The following CRYBB2 variants were observed in gnomAD, a reference collection of about 807,000 sequenced individuals.
CRYBB2 encodes beta-crystallin B2.
Under a neutral mutation model 24.3 loss-of-function variants are expected in CRYBB2, and 12 were observed. That is an observed-to-expected ratio of 0.49 (90% CI 0.32 to 0.80). The LOEUF (loss-of-function observed/expected upper bound fraction) is 0.80, where lower values mean the gene tolerates loss of function less well. CRYBB2 is among the 30% of genes least tolerant of loss of function. The pLI, the probability that CRYBB2 is intolerant of heterozygous loss-of-function variation, is 0.04. For synonymous variants in CRYBB2, 98 were observed against 101.6 expected (o/e 0.96, Z 0.21); for missense variants, 198 against 268.5 (o/e 0.74, Z 1.83).
upstream of CRYBB2, among the ~76,000 whole-genome samples, chr22:25,218,702 GAGGGGGAGA>G (rs1569015774): frequency 3.5e-3 from 167 of 47,184 alleles, 2 homozygotes; most frequent in Non-Finnish European, 4.3e-3. Flanking sequence ...GAGAGAGAGA[GAGGGGGAGA>G]GAGAGAGAGA....
upstream of CRYBB2, among the ~76,000 whole-genome samples, chr22:25,218,702 GAGGGGGAGAGAGAGAGAGA>G (rs1935226920): frequency 2.1e-5 from 1 of 47,218 alleles, no homozygotes; most frequent in African/African-American, 2.1e-4. Context: ...GAGAGAGAGA[GAGGGGGAGAGAGAGAGAGA>G]GAGAGAGAGA....
intron 3 of CRYBB2, 35 bp downstream of exon 3, chr22:25,225,071 T>A: frequency 8.8e-7 from 1 of 1,139,808 alleles, no homozygotes; most frequent in Non-Finnish European, 1.3e-6. Context: ...GGTCAGGGAC[T>A]TTGGGTGAGG....
chr22:25,226,920 C>T (rs2146091518), intron 3 of CRYBB2, among the ~76,000 whole-genome samples: 1 of 152,314 alleles, frequency 6.6e-6, no homozygotes, highest in African/African-American at 2.4e-5. Context: ...GTGATCCGCT[C>T]ACCTCGGCCT....
upstream of CRYBB2, among the ~76,000 whole-genome samples, chr22:25,218,759 GAGAGAGAGAGAGAGAGAGAGAAGA>G (rs1569016042): frequency 7.5e-4 from 30 of 39,958 alleles, no homozygotes; most frequent in East Asian, 1.0e-3. Context: ...GAGAGAGAGA[GAGAGAGAGAGAGAGAGAGAGAAGA>G]AAGAAAGAAA....
At chr22:25,216,040 A>T (rs890094397), upstream of CRYBB2, among the ~76,000 whole-genome samples, 3 of 152,222 alleles carry the variant, frequency 2.0e-5, no homozygotes, top group Non-Finnish European at 4.4e-5. Flanking sequence ...TGGGAGGATT[A>T]AAAAAAGATG....
chr22:25,221,304 G>A, intron 1 of CRYBB2, 100 bp from the exon 2 acceptor site: 1 of 777,026 alleles, frequency 1.3e-6, no homozygotes. Flanking sequence ...AGGAGAAAAA[G>A]AGAATGTTTG....
chr22:25,220,431 T>C (rs1935299197), intron 1 of CRYBB2, among the ~76,000 whole-genome samples: 1 of 152,176 alleles, frequency 6.6e-6, no homozygotes, highest in East Asian at 1.9e-4. Context: ...ACTGAGCTTC[T>C]TCAGTCTGTG....
At chr22:25,216,009 A>G (rs1488224839), upstream of CRYBB2, among the ~76,000 whole-genome samples, 4 of 152,216 alleles carry the variant, frequency 2.6e-5, no homozygotes, top group African/African-American at 4.8e-5. Flanking sequence ...AATAAATACA[A>G]TACTTACATC....
chr22:25,223,643 T>C (rs1278642155), intron 2 of CRYBB2, among the ~76,000 whole-genome samples: 1 of 152,184 alleles, frequency 6.6e-6, no homozygotes. Flanking sequence ...CTCTAAGCCC[T>C]GTGCCTTTCC....
intron 2 of CRYBB2, 68 bp downstream of exon 2, chr22:25,221,551 T>C (rs1935321412): frequency 8.0e-7 from 1 of 1,253,996 alleles, no homozygotes; most frequent in Non-Finnish European, 1.2e-6. Context: ...TTCTGTAAAA[T>C]GGGCTTGGCA....
chr22:25,227,516 G>A lies in CRYBB2; in HGVS notation c.174-337G>A, dbSNP rs5760922. Among the ~76,000 whole-genome samples the A allele has an allele frequency of 0.22, 32,621 of 149,868 alleles. 4,294 individuals carry two copies. Among genetic ancestry groups the A allele is most frequent in the African/African-American group, 0.37 (15,135 of 40,744 alleles). ...CTACAAATCAAGAGTGTTAATTTTC[G>A]TTTTGTTTTTTGAGAGTTGGCTATT... On this transcript the variant is annotated intron_variant, in intron 3 of 5. Coordinates refer to ENST00000398215, the MANE Select transcript of CRYBB2 (RefSeq NM_000496.3).
At chr22:25,216,864 G>A (rs1935176448), upstream of CRYBB2, among the ~76,000 whole-genome samples, 1 of 152,156 alleles carries the variant, frequency 6.6e-6, no homozygotes, top group Non-Finnish European at 1.5e-5. Flanking sequence ...ACTTATGTAA[G>A]TGGAATCATA....
At chr22:25,217,466 T>C (rs552099152), upstream of CRYBB2, among the ~76,000 whole-genome samples, 6 of 152,232 alleles carry the variant, frequency 3.9e-5, no homozygotes, top group East Asian at 1.2e-3. Flanking sequence ...TACAGGCATG[T>C]GCCACCATGC....
chr22:25,218,083 CA>C (rs1285867895), upstream of CRYBB2, among the ~76,000 whole-genome samples: 26 of 151,558 alleles, frequency 1.7e-4, no homozygotes, highest in East Asian at 2.2e-3. Flanking sequence ...CACAGTGAAA[CA>C]CCGTCTCTAC....
At chr22:25,218,824 A>AAG (rs1491274233), upstream of CRYBB2, among the ~76,000 whole-genome samples, 15 of 118,410 alleles carry the variant, frequency 1.3e-4, no homozygotes, top group South Asian at 6.7e-4. Flanking sequence ...GAAAGAAAGA[A>AAG]AGAAAGAAAG....
chr22:25,231,704 G>A lies in CRYBB2; in HGVS notation c.550G>A (p.Val184Met), dbSNP rs752421861. Reference sequence around the variant, plus strand: ...CGACTTTGGGGCCCCTCACCCCCAGGTGCAGTCCGTGCGCCGTATCCGCGA... The same window carrying A: ...CGACTTTGGGGCCCCTCACCCCCAGATGCAGTCCGTGCGCCGTATCCGCGA... ...SSDFGAPHPQ[V>M]QSVRRIRDMQ... The change falls in exon 6 of 6, where the codon GTG becomes ATG. Residue 184 changes from valine to methionine, a missense_variant. Transcript: ENST00000398215. The A allele has an allele frequency of 8.7e-6, 14 of 1,614,112 alleles. No individual in the cohort carries two copies. The highest frequency in any genetic ancestry group is 1.7e-5 in the Admixed American group (1 of 60,016).
chr22:25,219,241 T>C (rs145425428), upstream of CRYBB2, among the ~76,000 whole-genome samples: 572 of 152,252 alleles, frequency 3.8e-3, 3 homozygotes, highest in East Asian at 0.026. Context: ...AATGAATAAA[T>C]GGGTAGATGA....
At chr22:25,221,153 A>G (rs199800163) in intron 1 of CRYBB2, among the ~76,000 whole-genome samples, 57 of 152,310 alleles carry the variant, frequency 3.7e-4, no homozygotes, top group East Asian at 1.4e-3. Flanking sequence ...TTTAAGCTCT[A>G]GTTTATTACT....
chr22:25,227,644 A>G (rs1318651275), intron 3 of CRYBB2, among the ~76,000 whole-genome samples: 1 of 150,482 alleles, frequency 6.6e-6, no homozygotes, highest in Non-Finnish European at 1.5e-5. Context: ...ACTGTGTTCC[A>G]GGTGGGTAAA....
Sources: gnomAD v4.1 joint callset for allele counts (sites outside exome capture counted in the v4.1 genomes callset) on GRCh38, gnomAD v4.1.1 for gene constraint, MANE v1.5 for transcripts, NCBI Gene and HGNC (gene_info 2026-07-23, HGNC 2026-07-21) for gene names.